The following CXCR5 variants were observed in gnomAD, a reference collection of about 807,000 sequenced individuals.
CXCR5 encodes C-X-C motif chemokine receptor 5.
In CXCR5, 3 loss-of-function variants were observed where a neutral mutation model predicts 5.6. The ratio of observed to expected loss-of-function variants is 0.54; its 90% CI spans 0.24 to 1.39. The LOEUF is 1.39. Among genes scored for constraint, CXCR5 ranks in the 40% most tolerant of loss-of-function variants. The pLI is 0.16. For synonymous variants in CXCR5, 218 were observed against 219.9 expected, an observed-to-expected ratio of 0.99 and a Z score of 0.08; for missense variants, 333 against 494.6, an observed-to-expected ratio of 0.67 and a Z score of 3.10.
intron 1 of CXCR5, among the ~76,000 whole-genome samples, chr11:118,889,102 C>T (rs548135482): frequency 6.6e-6 from 1 of 152,276 alleles, no homozygotes; most frequent in East Asian, 1.9e-4. Flanking sequence ...TCCTTACACC[C>T]CCCACCTCCC....
intron 1 of CXCR5, among the ~76,000 whole-genome samples, chr11:118,889,138 G>A (rs943559675): frequency 6.6e-6 from 1 of 152,178 alleles, no homozygotes; most frequent in African/African-American, 2.4e-5. Flanking sequence ...ACTGGACACT[G>A]TTACAGCCCC....
intron 1 of CXCR5, chr11:118,886,309 G>T (rs753704337): frequency 1.4e-5 from 6 of 442,712 alleles, no homozygotes; most frequent in Non-Finnish European, 2.7e-5. Flanking sequence ...CTCATGTTGA[G>T]CTAAGAACTG....
At position 118,896,337 on chromosome 11, in the gene CXCR5, G is replaced by T. The variant is rs1305458318; in HGVS notation, c.*1674G>T. ...CAAAATGGCTGGGGGTGTGGCCATG[G>T]ATGGAGGGAAGAGTAGGCTGGCCTG... On this transcript the variant is annotated 3_prime_UTR_variant, in exon 2 of 2. Transcript: ENST00000292174. 2 of 153,814 alleles carry T rather than the reference G, an allele frequency of 1.3e-5. No homozygotes were observed. The highest frequency in any genetic ancestry group is 3.9e-4 in the East Asian group (2 of 5,188). The allele number at this position is 153,814 out of a possible 1,614,324, so 9.5% of individuals were successfully genotyped here. A position where few individuals can be genotyped will look rare whatever the true frequency, so the allele number is the denominator to read the frequency against.
chr11:118,893,926 C>G lies in CXCR5; in HGVS notation c.382C>G (p.Leu128Val). ...GTFLCKTVIA[L>V]HKVNFYCSSL... The stretch of plus-strand genomic sequence containing the variant: ...CTTCCTCTGCAAAACTGTGATTGCC[C>G]TGCACAAAGTCAACTTCTACTGCAG... The change falls in exon 2 of 2, where the codon CTG (leucine) becomes GTG (valine). Residue 128 changes from leucine to valine, a missense_variant. Physicochemically the swap from Leu to Val is conservative, Grantham distance 32. Transcript: ENST00000292174. The surrounding 1 kb of genome is among the most constrained non-coding windows in gnomAD (Gnocchi z 5.7). 6.2e-7 allele frequency: 1 copy of G among 1,614,082 alleles called. No individual in the cohort carries two copies. The highest frequency in any genetic ancestry group is 8.5e-7 in the Non-Finnish European group (1 of 1,180,036).
chr11:118,884,077 A>G, intron 1 of CXCR5, 85 bp downstream of exon 1: 1 of 1,345,128 alleles, frequency 7.4e-7, no homozygotes, highest in South Asian at 1.2e-5. Context: ...GAGAGGGGAC[A>G]GTGTGGGAAT....
Position 118,894,471 on chromosome 11 carries a change from C to T in CXCR5, c.927C>T (p.Phe309=). The change falls in exon 2 of 2, where the codon TTC becomes TTT. Residue 309 remains phenylalanine, a synonymous_variant. Transcript: ENST00000292174. The surrounding 1 kb of genome is among the most constrained non-coding windows in gnomAD (Gnocchi z 6.1). ...SLPVAITMCE[F]LGLAHCCLNP... ...CCGTGGCCATCACCATGTGTGAGTT[C>T]CTGGGCCTGGCCCACTGCTGCCTCA... 1 of 1,612,590 alleles carries T rather than the reference C, an allele frequency of 6.2e-7. No individual in the cohort carries two copies. The highest frequency in any genetic ancestry group is 1.1e-5 in the South Asian group (1 of 90,964).
chr11:118,891,871 C>CAAAAAAA (rs754547926), intron 1 of CXCR5, among the ~76,000 whole-genome samples: 3 of 34,598 alleles, frequency 8.7e-5, no homozygotes, highest in African/African-American at 8.7e-5. Context: ...AACTCCCCCT[C>CAAAAAAA]AAAAAAAAAA....
chr11:118,887,248 T>G (rs1176079091), intron 1 of CXCR5: 2 of 985,304 alleles, frequency 2.0e-6, no homozygotes, highest in African/African-American at 3.5e-5. Flanking sequence ...TGGCCGCATA[T>G]GTGGACCTAA....
chr11:118,889,573 G>A (rs924363308), intron 1 of CXCR5, among the ~76,000 whole-genome samples: 2 of 152,146 alleles, frequency 1.3e-5, no homozygotes, highest in African/African-American at 2.4e-5. Context: ...TCCATAGTTT[G>A]GGGGAGATTG....
chr11:118,887,144 A>G (rs1939725550), intron 1 of CXCR5: 1 of 699,772 alleles, frequency 1.4e-6, no homozygotes, highest in Non-Finnish European at 1.8e-6. Context: ...GGGTTCGGGC[A>G]TACAAACTGC....
chr11:118,893,540 C>G lies in CXCR5; in HGVS notation c.52-56C>G. 6.6e-7 allele frequency: 1 copy of G among 1,513,432 alleles called. No homozygotes were observed. The highest frequency in any genetic ancestry group is 1.4e-5 in the African/African-American group (1 of 71,828). The allele number at this position is 1,513,432 out of a possible 1,614,324, so 93.8% of individuals were successfully genotyped here. On this transcript the variant is annotated intron_variant, in intron 1 of 1. Coordinates refer to ENST00000292174, the MANE Select transcript of CXCR5 (RefSeq NM_001716.5). The surrounding 1 kb of genome is among the most constrained non-coding windows in gnomAD (Gnocchi z 5.7). ...CCTCCAAGAGAGCTAGGGTTCCTCT[C>G]AGAGAGGAAAGACAGGTCCTTAGGT...
rs573345477 is a variant in CXCR5 at position 118,888,043 on chromosome 11, G to A, written c.51+4051G>A. On this transcript the variant is annotated intron_variant, in intron 1 of 1. Coordinates refer to ENST00000292174, the MANE Select transcript of CXCR5 (RefSeq NM_001716.5). ...AATGGACTAGAAATACCAAGTCTCC[G>A]GCTACTGAGCTAGACGGAGATCATG... Among the ~76,000 whole-genome samples, 447 of 152,290 alleles carry A rather than the reference G, an allele frequency of 2.9e-3. 1 individual carries two copies. The highest frequency in any genetic ancestry group is 4.1e-3 in the Non-Finnish European group (279 of 68,022).
At chr11:118,888,541 C>T (rs139861935) in intron 1 of CXCR5, among the ~76,000 whole-genome samples, 120 of 152,348 alleles carry the variant, frequency 7.9e-4, no homozygotes, top group African/African-American at 2.8e-3. Flanking sequence ...CAGCTGCCCA[C>T]TTACAAGCCT....
Position 118,897,653 on chromosome 11 carries a change from G to C in CXCR5, c.*2990G>C, listed in dbSNP as rs774354710. ...AGGAATGGTATCCCTTAGGGACCCAGAGACACTGCAAACAGTGGGTGGCCA... is the reference window on the plus strand; with the variant it reads ...AGGAATGGTATCCCTTAGGGACCCACAGACACTGCAAACAGTGGGTGGCCA... On this transcript the variant is annotated 3_prime_UTR_variant, in exon 2 of 2. Transcript: ENST00000292174. The C allele has an allele frequency of 4.8e-5, 19 of 393,834 alleles. No individual in the cohort carries two copies. The highest frequency in any genetic ancestry group is 7.0e-5 in the Non-Finnish European group (14 of 200,742). 24.4% of individuals were successfully genotyped at this position (393,834 alleles called of 1,614,324 possible). A position where few individuals can be genotyped will look rare whatever the true frequency, so the allele number is the denominator to read the frequency against.
intron 1 of CXCR5, among the ~76,000 whole-genome samples, chr11:118,892,405 G>A (rs1290206797): frequency 2.0e-5 from 3 of 152,130 alleles, no homozygotes; most frequent in East Asian, 1.9e-4. Context: ...AAGCCACCCG[G>A]AGCCTGGTGG....
rs949987914 is a variant in CXCR5 at position 118,895,941 on chromosome 11, C to G, written c.*1278C>G. The G allele has an allele frequency of 6.0e-6, 1 of 167,080 alleles. No individual in the cohort carries two copies. The highest frequency in any genetic ancestry group is 2.4e-5 in the African/African-American group (1 of 41,446). 10.3% of individuals were successfully genotyped at this position (167,080 alleles called of 1,614,324 possible). ...AGGTGGGGAGTCAGGGACCCCTGCC[C>G]TTGTCCCACTCAAGCCAAGCAGCCA... is the stretch of plus-strand genomic sequence containing the variant. On this transcript the variant is annotated 3_prime_UTR_variant, in exon 2 of 2. Coordinates refer to ENST00000292174, the MANE Select transcript of CXCR5 (RefSeq NM_001716.5). The surrounding 1 kb of genome is among the most constrained non-coding windows in gnomAD (Gnocchi z 4.2).
intron 1 of CXCR5, among the ~76,000 whole-genome samples, chr11:118,888,000 G>A (rs1303331432): frequency 6.6e-6 from 1 of 152,146 alleles, no homozygotes; most frequent in East Asian, 1.9e-4. Context: ...GTCAGGCTGG[G>A]GCATTCACTG....
At chr11:118,884,733 G>A (rs1400638496) in intron 1 of CXCR5, among the ~76,000 whole-genome samples, 3 of 152,150 alleles carry the variant, frequency 2.0e-5, no homozygotes, top group African/African-American at 7.2e-5. Context: ...TAAGAAAATG[G>A]TCTCCAGCAC....
chr11:118,889,274 T>A (rs1939770318), intron 1 of CXCR5, among the ~76,000 whole-genome samples: 1 of 152,234 alleles, frequency 6.6e-6, no homozygotes, highest in African/African-American at 2.4e-5. Context: ...CAGGCTGTTG[T>A]CTGCTGGGTG....
Sources: allele counts gnomAD v4.1 joint callset (sites outside exome capture counted in the v4.1 genomes callset), GRCh38; gene constraint gnomAD v4.1.1; non-coding constraint Gnocchi (gnomAD v3.1); transcripts MANE v1.5; gene names NCBI Gene and HGNC (gene_info 2026-07-23, HGNC 2026-07-21).